Variants in MTDH observed in about 807,000 individuals in gnomAD.
The protein encoded by MTDH is protein LYRIC.
In MTDH, 34 loss-of-function variants were observed where a neutral mutation model predicts 72.7. That is an observed-to-expected ratio of 0.47 (90% CI 0.36 to 0.62). The LOEUF is 0.62. Ranked by LOEUF, MTDH falls within the 20% of genes least tolerant of loss-of-function variation. The pLI is 0.00. For missense variants in MTDH, 677 were observed against 699.4 expected, an observed-to-expected ratio of 0.97 and a Z score of 0.36; for synonymous variants, 266 against 268.9, an observed-to-expected ratio of 0.99 and a Z score of 0.10.
At chr8:97,701,241 G>GACC (rs1039248309) in intron 7 of MTDH, among the ~76,000 whole-genome samples, 9 of 151,994 alleles carry the variant, frequency 5.9e-5, no homozygotes, top group African/African-American at 2.2e-4. Flanking sequence ...TTGATTCCAG[G>GACC]ACCCCCCTCA....
chr8:97,713,757 C>T lies in MTDH; in HGVS notation c.1368C>T (p.Asn456=). ...KKKKKKQGED[N]STAQDTEELE... The stretch of plus-strand genomic sequence containing the variant: ...AAAAGAAGAAGCAAGGTGAAGATAA[C>T]TCTACTGCACAGGTAAAATGTCAGA... Residue 456 remains asparagine (N), a synonymous_variant, in exon 9 of 12, where the codon AAC becomes AAT. Transcript: ENST00000336273. The T allele has an allele frequency of 2.5e-6, 4 of 1,573,506 alleles. No homozygotes were observed. Among genetic ancestry groups the T allele is most frequent in the Non-Finnish European group, 3.4e-6 (4 of 1,161,624 alleles).
intron 2 of MTDH, among the ~76,000 whole-genome samples, chr8:97,664,192 C>G (rs1369632070): frequency 6.6e-6 from 1 of 152,034 alleles, no homozygotes; most frequent in Non-Finnish European, 1.5e-5. Flanking sequence ...CCTGTCTCTA[C>G]TAAAAATACA....
chr8:97,680,397 A>C (rs1322163602), intron 2 of MTDH, among the ~76,000 whole-genome samples: 2 of 152,144 alleles, frequency 1.3e-5, no homozygotes, highest in Admixed American at 1.3e-4. Flanking sequence ...AAAAGAATGG[A>C]GCCATTTGCT....
At chr8:97,691,228 C>A in intron 6 of MTDH, 40 bp downstream of exon 6, 3 of 1,375,164 alleles carry the variant, frequency 2.2e-6, no homozygotes, top group South Asian at 1.5e-5. Flanking sequence ...TTTAAAATTA[C>A]TAATCTTGTA....
intron 9 of MTDH, among the ~76,000 whole-genome samples, chr8:97,718,232 A>G (rs533779871): frequency 6.6e-6 from 1 of 151,492 alleles, no homozygotes. Flanking sequence ...TATTACAGAC[A>G]GCGTTTCACC....
chr8:97,724,513 A>ATAGTTAC (rs1314279040), intron 11 of MTDH, 87 bp from the exon 12 acceptor site: 4 of 883,816 alleles, frequency 4.5e-6, no homozygotes, highest in Non-Finnish European at 6.9e-6. Flanking sequence ...ACATTGTTTC[A>ATAGTTAC]TAGTTACTAC....
intron 2 of MTDH, among the ~76,000 whole-genome samples, chr8:97,670,414 T>G (rs187749297): frequency 2.6e-5 from 4 of 152,228 alleles, no homozygotes; most frequent in Admixed American, 2.6e-4. Context: ...GTCAGGAGAT[T>G]GAGACCATCT....
intron 10 of MTDH, among the ~76,000 whole-genome samples, chr8:97,720,144 G>A (rs1345749647): frequency 1.3e-5 from 2 of 152,138 alleles, no homozygotes; most frequent in Admixed American, 6.6e-5. Context: ...AATTGGCCAG[G>A]TGTGGTGGCA....
chr8:97,687,501 C>G lies in MTDH; in HGVS notation c.641C>G (p.Ser214Cys), dbSNP rs1488308693. 1 of 1,613,568 alleles carries G rather than the reference C, an allele frequency of 6.2e-7. No individual in the cohort carries two copies. The highest frequency in any genetic ancestry group is 8.5e-7 in the Non-Finnish European group (1 of 1,179,756). ...AAACGTGATAAGGTGCTGACTGATT[C>G]TGGTTCATTGGATTCAACTATCCCT... is the stretch of plus-strand genomic sequence containing the variant. ...QRKRDKVLTD[S>C]GSLDSTIPGI... Residue 214 changes from serine to cysteine, a missense_variant, in exon 4 of 12, where the codon TCT becomes TGT. Transcript: ENST00000336273.
chr8:97,653,001 C>A (rs1230165974), intron 1 of MTDH, among the ~76,000 whole-genome samples: 2 of 151,984 alleles, frequency 1.3e-5, no homozygotes, highest in African/African-American at 4.8e-5. Flanking sequence ...CACCTATAGT[C>A]CCAGCTACTC....
rs563591301 is a variant in MTDH at position 97,684,743 on chromosome 8, C to T, written c.484-1925C>T. 6.6e-5 allele frequency among the ~76,000 whole-genome samples: 10 copies of T among 152,202 alleles called. No homozygotes were observed. In the South Asian group the frequency reaches 1.0e-3, roughly 16 times the overall value. On this transcript the variant is annotated intron_variant, in intron 2 of 11. Transcript: ENST00000336273. ...TGAGAAAAGAGGAGCTGGGAGTAAA[C>T]GCTAATCATTACAGAGTTTCTTTTT...
intron 7 of MTDH, among the ~76,000 whole-genome samples, chr8:97,705,961 G>A (rs944343977): frequency 3.9e-5 from 6 of 152,184 alleles, no homozygotes; most frequent in Non-Finnish European, 1.5e-5. Context: ...ATCTGGAAGT[G>A]TAGAATAAAA....
At position 97,689,071 on chromosome 8, in the gene MTDH, T is replaced by C; in HGVS notation, c.779T>C (p.Phe260Ser). The stretch of plus-strand genomic sequence containing the variant: ...CATCTAAATGTTCAAGTTAGCAACT[T>C]TAAATCTGGAAAAGGAGATTCTACA... ...DSHLNVQVSN[F>S]KSGKGDSTLQ... The change falls in exon 5 of 12, where the codon TTT (phenylalanine) becomes TCT (serine). Residue 260 changes from phenylalanine (F) to serine (S), a missense_variant. By Grantham distance (155) the Phe-to-Ser change is radical (BLOSUM62 -2). Around this residue, in one of 3 missense-constraint regions of MTDH, gnomAD observed 467 missense variants for 469.1 expected, o/e 1.00. Transcript: ENST00000336273. 1 of 1,585,800 alleles carries C rather than the reference T, an allele frequency of 6.3e-7. No individual in the cohort carries two copies. Among genetic ancestry groups the C allele is most frequent in the East Asian group, 2.2e-5 (1 of 44,482 alleles).
In MTDH at chr8:97,724,991, GCCGA is replaced by G. The variant is rs1815298943; in HGVS notation, c.*322_*325del. The G allele has an allele frequency of 5.7e-6, 1 of 174,782 alleles. No homozygotes were observed. The highest frequency in any genetic ancestry group is 1.2e-5 in the Non-Finnish European group (1 of 82,526). 10.8% of individuals were successfully genotyped at this position (174,782 alleles called of 1,614,324 possible). A position where few individuals can be genotyped will look rare whatever the true frequency, so the allele number is the denominator to read the frequency against. ...CAGATTGTGCCCTATCTCATCTGCAGCCGAGGAATAAAGGATTCTGATTAGAAAG... is the reference window on the plus strand; with the variant it reads ...CAGATTGTGCCCTATCTCATCTGCAGGGAATAAAGGATTCTGATTAGAAAG... On this transcript the variant is annotated 3_prime_UTR_variant, in exon 12 of 12. Transcript: ENST00000336273.
intron 1 of MTDH, among the ~76,000 whole-genome samples, chr8:97,657,432 G>A (rs1229301389): frequency 1.3e-5 from 2 of 152,142 alleles, no homozygotes; most frequent in Non-Finnish European, 2.9e-5. Context: ...CCATGTAATT[G>A]CTAATCTGTA....
intron 2 of MTDH, 146 bp downstream of exon 2, chr8:97,661,319 G>A: frequency 7.5e-6 from 4 of 534,526 alleles, no homozygotes; most frequent in South Asian, 4.2e-5. Flanking sequence ...GTGGATGGGT[G>A]GTAAAAGTTT....
chr8:97,693,867 C>T (rs1169740287), intron 6 of MTDH, among the ~76,000 whole-genome samples: 2 of 152,046 alleles, frequency 1.3e-5, no homozygotes, highest in Non-Finnish European at 2.9e-5. Flanking sequence ...AGGCATGTGC[C>T]ACCACACCTG....
At chr8:97,696,444 AG>A (rs1813836041) in intron 6 of MTDH, 1 of 214,758 alleles carries the variant, frequency 4.7e-6, no homozygotes, top group African/African-American at 2.4e-5. Flanking sequence ...CAGGAAGAGA[AG>A]ACCTAAATTC....
intron 1 of MTDH, among the ~76,000 whole-genome samples, chr8:97,655,076 G>A (rs1811914656): frequency 1.3e-5 from 2 of 152,152 alleles, no homozygotes; most frequent in East Asian, 1.9e-4. Context: ...TCCAGCCTGG[G>A]CAACAGAGCC....
Sources: gnomAD v4.1 joint callset for allele counts (sites outside exome capture counted in the v4.1 genomes callset) on GRCh38, gnomAD v4.1.1 for gene constraint, gnomAD v4.1.1 regional missense constraint, MANE v1.5 for transcripts, NCBI Gene and HGNC (gene_info 2026-07-23, HGNC 2026-07-21) for gene names.